UBE2E2: variants seen among roughly 807,000 people sequenced by gnomAD.
UBE2E2 encodes the protein ubiquitin-conjugating enzyme E2 E2.
A neutral mutation model predicts 24.7 loss-of-function variants in UBE2E2; 6 were observed. That is an observed-to-expected ratio of 0.24 (90% CI 0.13 to 0.48). UBE2E2 has a LOEUF of 0.48. Among genes scored for constraint, UBE2E2 ranks in the 20% least tolerant of loss-of-function variants. The pLI, the probability that UBE2E2 is intolerant of heterozygous loss-of-function variation, is 0.99. For synonymous variants in UBE2E2, 104 were observed against 83.6 expected (o/e 1.24, Z -1.33); for missense variants, 169 against 245.0 (o/e 0.69, Z 2.07).
At chr3:23,271,880 A>G (rs1392166708) in intron 3 of UBE2E2, among the ~76,000 whole-genome samples, 1 of 152,236 alleles carries the variant, frequency 6.6e-6, no homozygotes, top group Non-Finnish European at 1.5e-5. Flanking sequence ...AGCTAGACAC[A>G]GAGTGCTGAT....
chr3:23,257,896 G>C (rs1374909329), intron 3 of UBE2E2, among the ~76,000 whole-genome samples: 1 of 151,782 alleles, frequency 6.6e-6, no homozygotes, highest in Non-Finnish European at 1.5e-5. Context: ...CTTATTTTCT[G>C]TATTTTTGCT....
intron 3 of UBE2E2, among the ~76,000 whole-genome samples, chr3:23,425,631 C>A (rs1697908138): frequency 6.6e-6 from 1 of 152,120 alleles, no homozygotes; most frequent in Admixed American, 6.6e-5. Flanking sequence ...CTGCAGGAAT[C>A]AGCATCACAG....
chr3:23,368,413 A>C (rs2125337938), intron 3 of UBE2E2, among the ~76,000 whole-genome samples: 1 of 152,322 alleles, frequency 6.6e-6, no homozygotes, highest in African/African-American at 2.4e-5. Context: ...AAATTCGTAG[A>C]GGCAATGAGT....
chr3:23,528,385 G>A (rs1208824230), intron 4 of UBE2E2, among the ~76,000 whole-genome samples: 2 of 152,212 alleles, frequency 1.3e-5, no homozygotes, highest in Non-Finnish European at 2.9e-5. Flanking sequence ...GGAAAATACA[G>A]AGTAGGGAGT....
At chr3:23,489,876 C>T (rs1168076568) in intron 3 of UBE2E2, among the ~76,000 whole-genome samples, 5 of 152,142 alleles carry the variant, frequency 3.3e-5, no homozygotes, top group Admixed American at 6.5e-5. Flanking sequence ...AAGTGTTCAG[C>T]GGGGAAGGAG....
At chr3:23,206,998 T>C (rs1441230898) in intron 1 of UBE2E2, among the ~76,000 whole-genome samples, 1 of 152,194 alleles carries the variant, frequency 6.6e-6, no homozygotes, top group Non-Finnish European at 1.5e-5. Flanking sequence ...AAGATATATT[T>C]TTTGCTGTTA....
intron 3 of UBE2E2, among the ~76,000 whole-genome samples, chr3:23,223,180 C>T (rs1487158909): frequency 6.7e-6 from 1 of 149,560 alleles, no homozygotes; most frequent in African/African-American, 2.5e-5. Context: ...CCACCATGCT[C>T]AGCTGATTTT....
At chr3:23,442,199 T>G (rs1254149834) in intron 3 of UBE2E2, among the ~76,000 whole-genome samples, 1 of 151,980 alleles carries the variant, frequency 6.6e-6, no homozygotes, top group Non-Finnish European at 1.5e-5. Context: ...GAAATCAGGG[T>G]GAAGATCAGG....
At chr3:23,232,567 C>G (rs1697002971) in intron 3 of UBE2E2, among the ~76,000 whole-genome samples, 1 of 152,088 alleles carries the variant, frequency 6.6e-6, no homozygotes, top group Admixed American at 6.5e-5. Context: ...ATACTTGCAT[C>G]CTCAAAAATT....
intron 3 of UBE2E2, among the ~76,000 whole-genome samples, chr3:23,275,933 A>T (rs1466497488): frequency 6.6e-6 from 1 of 152,186 alleles, no homozygotes; most frequent in Non-Finnish European, 1.5e-5. Flanking sequence ...GCTTGCCTCC[A>T]TGTCATCTGA....
At chr3:23,438,222 G>T (rs1038230093) in intron 3 of UBE2E2, among the ~76,000 whole-genome samples, 1 of 152,128 alleles carries the variant, frequency 6.6e-6, no homozygotes, top group Non-Finnish European at 1.5e-5. Flanking sequence ...AAAAGTAAAG[G>T]TGCAGAGTTG....
chr3:23,265,270 G>A (rs990142378), intron 3 of UBE2E2, among the ~76,000 whole-genome samples: 2 of 152,194 alleles, frequency 1.3e-5, no homozygotes, highest in East Asian at 1.9e-4. Flanking sequence ...ATGGAATTCA[G>A]ATCATTGAGG....
At chr3:23,503,903 G>A (rs1368496136) in intron 4 of UBE2E2, among the ~76,000 whole-genome samples, 2 of 151,932 alleles carry the variant, frequency 1.3e-5, no homozygotes, top group Admixed American at 1.3e-4. Flanking sequence ...CTCAAAATCT[G>A]TACTTTATTT....
intron 3 of UBE2E2, among the ~76,000 whole-genome samples, chr3:23,307,159 C>T (rs1444444326): frequency 6.6e-6 from 1 of 152,048 alleles, no homozygotes; most frequent in Non-Finnish European, 1.5e-5. Context: ...TTTCTGCCTC[C>T]CTTTCCGTTT....
intron 3 of UBE2E2, among the ~76,000 whole-genome samples, chr3:23,419,959 G>T (rs1288598783): frequency 6.6e-6 from 1 of 152,104 alleles, no homozygotes; most frequent in Non-Finnish European, 1.5e-5. Context: ...CTACTGTTGG[G>T]TGTGGGACAA....
chr3:23,514,608 T>A (rs1342544400), intron 4 of UBE2E2, among the ~76,000 whole-genome samples: 4 of 151,606 alleles, frequency 2.6e-5, no homozygotes, highest in African/African-American at 9.7e-5. Context: ...TATTATTATT[T>A]ATTTTTGAGA....
rs568352245 is a variant in UBE2E2, at chr3:23,371,036, A to T, written c.228-128572A>T. Among the ~76,000 whole-genome samples the T allele has an allele frequency of 4.8e-4, 73 of 152,286 alleles. 1 individual carries two copies. The highest frequency in any genetic ancestry group is 8.1e-4 in the Non-Finnish European group (55 of 68,036). On this transcript the variant is annotated intron_variant, in intron 3 of 5. Coordinates refer to ENST00000396703, the MANE Select transcript of UBE2E2 (RefSeq NM_152653.4). ...ATTGTGTACTTTTTTATTTTAAAAA[A>T]TTTTTTTAATAGAAATGGGGTTTTG... is the stretch of plus-strand genomic sequence containing the variant.
At chr3:23,228,624 T>A (rs978675935) in intron 3 of UBE2E2, among the ~76,000 whole-genome samples, 1 of 152,156 alleles carries the variant, frequency 6.6e-6, no homozygotes. Context: ...AGTGTAAAAT[T>A]TGATTTTTGC....
At chr3:23,549,571 G>A (rs948877664) in intron 5 of UBE2E2, among the ~76,000 whole-genome samples, 18 of 152,148 alleles carry the variant, frequency 1.2e-4, no homozygotes, top group Non-Finnish European at 2.6e-4. Flanking sequence ...GTGAATTAAA[G>A]ATTGTACTTC....
Sources: allele counts gnomAD v4.1 joint callset (sites outside exome capture counted in the v4.1 genomes callset), GRCh38; gene constraint gnomAD v4.1.1; transcripts MANE v1.5; gene names NCBI Gene and HGNC (gene_info 2026-07-23, HGNC 2026-07-21).